The following SH3PXD2B variants were observed in gnomAD, a reference collection of about 807,000 sequenced individuals.
SH3PXD2B encodes SH3 and PX domains 2B, also known as SH3 and PX domain-containing protein 2B.
A neutral mutation model predicts 73.1 loss-of-function variants in SH3PXD2B; 37 were observed. That is an observed-to-expected ratio of 0.51 (90% confidence interval 0.39 to 0.67). SH3PXD2B has a LOEUF of 0.67. Among genes scored for constraint, SH3PXD2B ranks in the 30% least tolerant of loss-of-function variants. The pLI is 0.00. For missense variants in SH3PXD2B, 1,053 were observed against 1,197.8 expected (o/e 0.88, Z 1.78); for synonymous variants, 457 against 480.5 (o/e 0.95, Z 0.64).
Position 172,353,843 on chromosome 5 carries a change from T to G in SH3PXD2B, c.785+45A>C. The G allele has an allele frequency of 1.3e-6, 2 of 1,536,592 alleles. No individual in the cohort carries two copies. Among genetic ancestry groups the G allele is most frequent in the Non-Finnish European group, 1.8e-6 (2 of 1,110,938 alleles). Reference sequence around the variant, plus strand: ...CCTGTGACCCCAAACCCACCCAGCGTGACCCCAAACCCACCCAGCAACCGT... The same window carrying G: ...CCTGTGACCCCAAACCCACCCAGCGGGACCCCAAACCCACCCAGCAACCGT... On this transcript the variant is annotated intron_variant, in intron 9 of 12. Transcript: ENST00000311601. This position sits in a 1 kb window ranked among gnomAD's most constrained non-coding sequence, Gnocchi z 4.3.
At chr5:172,416,677 A>G (rs1398659741) in intron 2 of SH3PXD2B, among the ~76,000 whole-genome samples, 10 of 72,250 alleles carry the variant, frequency 1.4e-4, no homozygotes, top group East Asian at 3.6e-4. Context: ...AGAGACTGTG[A>G]GTCTCTCTCT....
chr5:172,359,533 C>T (rs569784552), intron 7 of SH3PXD2B, among the ~76,000 whole-genome samples: 2 of 152,128 alleles, frequency 1.3e-5, no homozygotes, highest in African/African-American at 4.8e-5. Flanking sequence ...AGAGGCAAAC[C>T]GACTTGTCCA....
intron 4 of SH3PXD2B, among the ~76,000 whole-genome samples, chr5:172,382,872 GC>G (rs5873321): frequency 0.074 from 11,171 of 151,868 alleles, 583 homozygotes; most frequent in South Asian, 0.2. Context: ...GGGATTATAG[GC>G]ATGTGCTACC....
At chr5:172,454,064 A>T (rs995360329) in intron 1 of SH3PXD2B, among the ~76,000 whole-genome samples, 1 of 98,706 alleles carries the variant, frequency 1.0e-5, no homozygotes, top group African/African-American at 3.8e-5. Context: ...GGAGGAAGGG[A>T]TGGAGGGGGA....
In SH3PXD2B at chr5:172,334,517, G is replaced by A. The variant is rs1561887185; in HGVS notation, c.*3852C>T. On this transcript the variant is annotated 3_prime_UTR_variant, in exon 13 of 13. Coordinates refer to ENST00000311601, the MANE Select transcript of SH3PXD2B (RefSeq NM_001017995.3). ...CAGAACGGGCCTGGACAACCCTTGGGGGATAAGACAGCCACACATGGCTCA... is the reference window on the plus strand; with the variant it reads ...CAGAACGGGCCTGGACAACCCTTGGAGGATAAGACAGCCACACATGGCTCA... 1.0e-6 allele frequency: 1 copy of A among 985,502 alleles called. No homozygotes were observed. The highest frequency in any genetic ancestry group is 6.1e-5 in the Admixed American group (1 of 16,272). The allele number at this position is 985,502 out of a possible 1,614,324, so 61.0% of individuals were successfully genotyped here. A position where few individuals can be genotyped will look rare whatever the true frequency, so the allele number is the denominator to read the frequency against.
chr5:172,349,883 CTT>C (rs10555921), intron 10 of SH3PXD2B, among the ~76,000 whole-genome samples: 1,587 of 152,070 alleles, frequency 0.01, 23 homozygotes, highest in African/African-American at 0.032. Context: ...GAGTTTCACT[CTT>C]GTCGCCCAGG....
chr5:172,358,112 A>G (rs1278698942), intron 8 of SH3PXD2B, among the ~76,000 whole-genome samples: 1 of 152,232 alleles, frequency 6.6e-6, no homozygotes, highest in African/African-American at 2.4e-5. Context: ...AGGCCACTCA[A>G]CCAGGAAGTG....
intron 1 of SH3PXD2B, among the ~76,000 whole-genome samples, chr5:172,429,316 C>T (rs1320317756): frequency 1.6e-5 from 2 of 121,258 alleles, no homozygotes; most frequent in Non-Finnish European, 1.7e-5. Context: ...CTGCAAACAC[C>T]CCCGCCCCTT....
At chr5:172,343,025 A>C (rs1446072434) in intron 12 of SH3PXD2B, among the ~76,000 whole-genome samples, 1 of 152,252 alleles carries the variant, frequency 6.6e-6, no homozygotes, top group East Asian at 1.9e-4. Flanking sequence ...GAACAATTTA[A>C]CACCCACTTG....
chr5:172,444,764 C>G (rs1759625603), intron 1 of SH3PXD2B, among the ~76,000 whole-genome samples: 1 of 152,142 alleles, frequency 6.6e-6, no homozygotes, highest in Non-Finnish European at 1.5e-5. Flanking sequence ...GCTCTTCTAC[C>G]CACCCCTCAA....
chr5:172,373,804 C>T lies in SH3PXD2B; in HGVS notation c.413G>A (p.Gly138Glu), dbSNP rs938119583. ...AATATTCTTACCAGATTTCTTTTTC[C>T]CAATGTGCTCCCTGTACAGGAAAGA... The part of the protein sequence containing the change: ...DLNPPKEEHI[G>E]KKKSGGDQTS... Residue 138 changes from glycine to glutamate, a missense_variant, in exon 6 of 13, where the codon GGG (glycine) becomes GAG (glutamate). This residue lies in a region of SH3PXD2B where 466 missense variants were observed against 607.1 expected (regional missense o/e 0.77). Transcript: ENST00000311601. 6 of 1,613,886 alleles carry T rather than the reference C, an allele frequency of 3.7e-6. No homozygotes were observed. Among genetic ancestry groups the T allele is most frequent in the Non-Finnish European group, 5.1e-6 (6 of 1,179,938 alleles).
chr5:172,338,373 G>A lies in SH3PXD2B; in HGVS notation c.2732C>T (p.Pro911Leu), dbSNP rs201157559. The A allele has an allele frequency of 2.7e-5, 43 of 1,614,074 alleles. No individual in the cohort carries two copies. Among genetic ancestry groups the A allele is most frequent in the African/African-American group, 5.3e-5 (4 of 75,046 alleles). The change falls in exon 13 of 13, where the codon CCG (proline) becomes CTG (leucine). Residue 911 changes from proline (P) to leucine (L), a missense_variant. By Grantham distance (98) the Pro-to-Leu change is moderately conservative (BLOSUM62 -3). This residue lies in a region of SH3PXD2B where 587 missense variants were observed against 590.7 expected (regional missense o/e 0.99). Coordinates refer to ENST00000311601, the MANE Select transcript of SH3PXD2B (RefSeq NM_001017995.3). The surrounding 1 kb of genome is among the most constrained non-coding windows in gnomAD (Gnocchi z 5.1). The part of the protein sequence containing the change: ...WIPSNYLRKK[P>L] ...TCTAGGCAGAAAGGGAGTCGGCTAC[G>A]GCTTCTTTCTGAGATAGTTGGAAGG... is the stretch of plus-strand genomic sequence containing the variant.
At chr5:172,403,265 C>T (rs1355208171) in intron 3 of SH3PXD2B, among the ~76,000 whole-genome samples, 1 of 152,242 alleles carries the variant, frequency 6.6e-6, no homozygotes. Flanking sequence ...TCCCCAGCTC[C>T]TCCTGGGATG....
chr5:172,434,806 C>T (rs1759334415), intron 1 of SH3PXD2B, among the ~76,000 whole-genome samples: 1 of 57,592 alleles, frequency 1.7e-5, no homozygotes. Flanking sequence ...TTTTTTCAGA[C>T]AGAGTCTCGT....
At position 172,338,476 on chromosome 5, in the gene SH3PXD2B, C is replaced by T. The variant is rs775488178; in HGVS notation, c.2629G>A (p.Glu877Lys). 6.2e-7 allele frequency: 1 copy of T among 1,612,962 alleles called. No individual in the cohort carries two copies. Among genetic ancestry groups the T allele is most frequent in the Non-Finnish European group, 8.5e-7 (1 of 1,179,570 alleles). Residue 877 changes from glutamate (E) to lysine (K), a missense_variant, in exon 13 of 13, where the codon GAA becomes AAA. This residue lies in a region of SH3PXD2B where 587 missense variants were observed against 590.7 expected (regional missense o/e 0.99). Transcript: ENST00000311601. This position sits in a 1 kb window ranked among gnomAD's most constrained non-coding sequence, Gnocchi z 5.1. ...CCACTGCTGTTCTTCTCCCGGACTTCAAACACTGTCCCTTCCTGGAAGCTG... is the reference window on the plus strand; with the variant it reads ...CCACTGCTGTTCTTCTCCCGGACTTTAAACACTGTCCCTTCCTGGAAGCTG... ...TSSFQEGTVF[E>K]VREKNSSGWW...
downstream of SH3PXD2B, among the ~76,000 whole-genome samples, chr5:172,330,960 C>T (rs1756542477): frequency 6.6e-6 from 1 of 152,156 alleles, no homozygotes; most frequent in South Asian, 2.1e-4. Flanking sequence ...TTTGGGAGGC[C>T]AAGGTGGGTG....
At chr5:172,363,322 C>T (rs1343053018) in intron 6 of SH3PXD2B, among the ~76,000 whole-genome samples, 1 of 152,262 alleles carries the variant, frequency 6.6e-6, no homozygotes, top group Non-Finnish European at 1.5e-5. Context: ...CAAAATCACT[C>T]GCCTATTAAT....
At chr5:172,444,571 T>G (rs918830927) in intron 1 of SH3PXD2B, among the ~76,000 whole-genome samples, 1 of 152,220 alleles carries the variant, frequency 6.6e-6, no homozygotes, top group Non-Finnish European at 1.5e-5. Flanking sequence ...CTATTGAATC[T>G]TGAGAACAAA....
chr5:172,402,460 G>A (rs991048349), intron 3 of SH3PXD2B, among the ~76,000 whole-genome samples: 3 of 152,006 alleles, frequency 2.0e-5, no homozygotes, highest in South Asian at 2.1e-4. Flanking sequence ...CACCCTATTC[G>A]TACACTCCCT....
Sources: allele counts gnomAD v4.1 joint callset (sites outside exome capture counted in the v4.1 genomes callset), GRCh38; gene constraint gnomAD v4.1.1; regional missense constraint gnomAD v4.1.1; non-coding constraint Gnocchi (gnomAD v3.1); transcripts MANE v1.5; gene names NCBI Gene and HGNC (gene_info 2026-07-23, HGNC 2026-07-21).